The following PAK3 variants were observed in gnomAD, a reference collection of about 807,000 sequenced individuals.
The protein encoded by PAK3 is p21 (RAC1) activated kinase 3.
In PAK3, 4 loss-of-function variants were observed where a neutral mutation model predicts 41.0. That is an observed-to-expected ratio of 0.10 (90% CI 0.05 to 0.22). PAK3 has a LOEUF of 0.22. PAK3 is among the 10% of genes least tolerant of loss of function. The pLI is 1.00. For missense variants in PAK3, 205 were observed against 409.9 expected (o/e 0.50, Z 4.32); for synonymous variants, 146 against 139.6 (o/e 1.05, Z -0.32).
chrX:110,988,809 G>A (rs2091592624), intron 1 of PAK3, among the ~76,000 whole-genome samples: 1 of 111,767 alleles, frequency 8.9e-6, no homozygotes, highest in Non-Finnish European at 1.9e-5. Context: ...TAGGGAGGCG[G>A]CTGCAGGTAT....
chrX:111,029,635 G>C (rs891351495), intron 1 of PAK3, among the ~76,000 whole-genome samples: 1 of 111,752 alleles, frequency 8.9e-6, no homozygotes, highest in Admixed American at 9.5e-5. Context: ...TGAATCGTCT[G>C]TCTGAAATAG....
chrX:111,218,614 G>A (rs1569474792), intron 17 of PAK3, among the ~76,000 whole-genome samples: 1 of 111,565 alleles, frequency 9.0e-6, no homozygotes, highest in Non-Finnish European at 1.9e-5. Flanking sequence ...TACAGGAACA[G>A]AACCTAGAAA....
In PAK3 at chrX:110,953,820, C is replaced by T. The variant is rs766142648; in HGVS notation, c.-28+9192C>T. Among the ~76,000 whole-genome samples, 502 of 111,493 alleles carry T rather than the reference C, an allele frequency of 4.5e-3. 3 individuals are homozygous for T. The highest frequency in any genetic ancestry group is 0.016 in the African/African-American group (476 of 30,708). ...TCTTCTTAAGAAGAGCGAGTTTGGA[C>T]GAACAAACTGACCAGTCATTTAATA... is the stretch of plus-strand genomic sequence containing the variant. On this transcript the variant is annotated intron_variant, in intron 1 of 14. Transcript: ENST00000425146.
chrX:111,207,479 G>C (rs2094766529), intron 16 of PAK3, among the ~76,000 whole-genome samples: 1 of 111,515 alleles, frequency 9.0e-6, no homozygotes, highest in African/African-American at 3.3e-5. Flanking sequence ...GGTCCCATAA[G>C]ATTATAATGG....
chrX:111,194,565 TTC>T, intron 14 of PAK3, 147 bp downstream of exon 14: 1 of 523,534 alleles, frequency 1.9e-6, no homozygotes, highest in Non-Finnish European at 3.4e-6. Flanking sequence ...TCAATTTAAA[TTC>T]TGTCCTAATA....
intron 1 of PAK3, among the ~76,000 whole-genome samples, chrX:111,033,835 G>T (rs2092366219): frequency 9.0e-6 from 1 of 111,649 alleles, no homozygotes; most frequent in Non-Finnish European, 1.9e-5. Context: ...TGCTAGGATG[G>T]AGACAGCCTG....
intron 1 of PAK3, among the ~76,000 whole-genome samples, chrX:110,960,292 G>C (rs748381693): frequency 7.6e-4 from 85 of 112,201 alleles, no homozygotes; most frequent in African/African-American, 2.4e-3. Context: ...CAACCAATCA[G>C]TAGGCAAATA....
intron 1 of PAK3, among the ~76,000 whole-genome samples, chrX:111,090,498 C>T (rs192788161): frequency 1.2e-3 from 135 of 111,880 alleles, no homozygotes; most frequent in African/African-American, 4.3e-3. Flanking sequence ...TTTATTTTCT[C>T]TTCGCCTCCT....
intron 1 of PAK3, among the ~76,000 whole-genome samples, chrX:111,036,941 TTTTG>T (rs1364969280): frequency 1.8e-5 from 2 of 111,382 alleles, no homozygotes; most frequent in South Asian, 3.8e-4. Flanking sequence ...GAGTCTTAGG[TTTTG>T]TTTGTTTGTT....
At chrX:110,995,113 C>T (rs760925514) in intron 1 of PAK3, among the ~76,000 whole-genome samples, 1 of 111,328 alleles carries the variant, frequency 9.0e-6, no homozygotes, top group East Asian at 2.8e-4. Context: ...TAAGTTCCTT[C>T]AAAAGCACAG....
intron 1 of PAK3, among the ~76,000 whole-genome samples, chrX:111,053,368 T>C (rs761556609): frequency 8.9e-6 from 1 of 111,833 alleles, no homozygotes; most frequent in African/African-American, 3.2e-5. Flanking sequence ...CAAGACTATT[T>C]AAGCTTAACA....
intron 16 of PAK3, among the ~76,000 whole-genome samples, chrX:111,197,951 T>C (rs1282646682): frequency 1.8e-5 from 2 of 112,394 alleles, no homozygotes; most frequent in African/African-American, 6.5e-5. Context: ...TGCCTTGGCC[T>C]CCCAAAGTGC....
chrX:110,997,749 C>T (rs2148680954), intron 1 of PAK3, among the ~76,000 whole-genome samples: 1 of 111,455 alleles, frequency 9.0e-6, no homozygotes, highest in African/African-American at 3.3e-5. Flanking sequence ...TGTTGAAATG[C>T]TAACCCCCAA....
At chrX:110,974,423 C>T (rs936950400) in intron 1 of PAK3, among the ~76,000 whole-genome samples, 8 of 111,989 alleles carry the variant, frequency 7.1e-5, no homozygotes, top group African/African-American at 2.6e-4. Flanking sequence ...GAAGTTGAAT[C>T]TCTGAGTAGA....
At position 111,032,921 on chromosome X, in the gene PAK3, T is replaced by C. The variant is rs2092356469; in HGVS notation, c.-28+88293T>C. On this transcript the variant is annotated intron_variant, in intron 1 of 14. Transcript: ENST00000425146. Reference sequence around the variant, plus strand: ...CCCATACTTATGTACTTGTCTTCTTTCCCCTCATTACTAACCCGCAGGAAG... The same window carrying C: ...CCCATACTTATGTACTTGTCTTCTTCCCCCTCATTACTAACCCGCAGGAAG... 3.6e-5 allele frequency among the ~76,000 whole-genome samples: 4 copies of C among 111,295 alleles called. No individual in the cohort carries two copies. In the South Asian group the frequency reaches 1.6e-3, roughly 44 times the overall value.
intron 8 of PAK3, among the ~76,000 whole-genome samples, chrX:111,158,989 C>T (rs1033993304): frequency 9.0e-5 from 10 of 111,370 alleles, no homozygotes; most frequent in African/African-American, 3.3e-4. Context: ...GTTTTTAGAG[C>T]CTAATAGACT....
chrX:111,090,901 C>T (rs1178473545), intron 1 of PAK3, among the ~76,000 whole-genome samples: 8 of 112,087 alleles, frequency 7.1e-5, no homozygotes, highest in Non-Finnish European at 1.5e-4. Flanking sequence ...ACCAACTTTC[C>T]AAATTCAATT....
intron 1 of PAK3, among the ~76,000 whole-genome samples, chrX:110,949,492 C>G (rs923322428): frequency 1.8e-5 from 2 of 111,751 alleles, no homozygotes; most frequent in African/African-American, 6.5e-5. Context: ...CAGAGAAGGC[C>G]TCTCATCCAT....
At chrX:111,146,382 C>A in intron 6 of PAK3, 1 of 461,747 alleles carries the variant, frequency 2.2e-6, no homozygotes, top group East Asian at 3.9e-5. Context: ...TTAGTTAAAA[C>A]CTCCCTATTT....
Sources: allele counts gnomAD v4.1 joint callset (sites outside exome capture counted in the v4.1 genomes callset), GRCh38; gene constraint gnomAD v4.1.1; transcripts MANE v1.5; gene names NCBI Gene and HGNC (gene_info 2026-07-23, HGNC 2026-07-21).